The following MAPK8 variants were observed in gnomAD, a reference collection of about 807,000 sequenced individuals.
MAPK8 encodes the protein JUN N-terminal kinase.
A neutral mutation model predicts 52.9 loss-of-function variants in MAPK8; 13 were observed. That is an observed-to-expected ratio of 0.25 (90% CI 0.16 to 0.39). The LOEUF (loss-of-function observed/expected upper bound fraction) is 0.39, where lower values mean the gene tolerates loss of function less well. MAPK8 is among the 10% of genes least tolerant of loss of function. MAPK8 has a pLI of 1.00. For missense variants in MAPK8, 300 were observed against 519.2 expected, an observed-to-expected ratio of 0.58 and a Z score of 4.10; for synonymous variants, 191 against 169.8, an observed-to-expected ratio of 1.12 and a Z score of -0.97.
intron 10 of MAPK8, 62 bp from the exon 11 acceptor site, chr10:48,431,131 C>G (rs993935853): frequency 2.0e-6 from 2 of 1,006,086 alleles, no homozygotes; most frequent in Non-Finnish European, 3.1e-6. Context: ...TTAAACCATA[C>G]ATGCGTTGTG....
rs531503529 is a variant in MAPK8 at position 48,353,631 on chromosome 10, G to GA, written c.-50+46819dup. The stretch of plus-strand genomic sequence containing the variant: ...CTACAACCATAAAACTTAAAACATG[G>GA]AAAAAAAAATCTCTGGGACATTTGT... On this transcript the variant is annotated intron_variant, in intron 1 of 11. Coordinates refer to ENST00000374189, the MANE Select transcript of MAPK8 (RefSeq NM_001323329.2). Among the ~76,000 whole-genome samples the GA allele has an allele frequency of 1.3e-4, 19 of 151,188 alleles. No individual in the cohort carries two copies. In the South Asian group the frequency reaches 1.5e-3, roughly 12 times the overall value.
At chr10:48,313,310 G>A (rs1471867187) in intron 1 of MAPK8, among the ~76,000 whole-genome samples, 2 of 152,094 alleles carry the variant, frequency 1.3e-5, no homozygotes, top group Non-Finnish European at 2.9e-5. Context: ...GCGTACGCCT[G>A]TAATCCCAGC....
At chr10:48,342,608 T>G (rs964656964) in intron 1 of MAPK8, among the ~76,000 whole-genome samples, 1 of 152,216 alleles carries the variant, frequency 6.6e-6, no homozygotes, top group Non-Finnish European at 1.5e-5. Flanking sequence ...GATGGTAGCT[T>G]GAAATGTAGT....
At chr10:48,310,010 A>G (rs970294654) in intron 1 of MAPK8, among the ~76,000 whole-genome samples, 2 of 152,158 alleles carry the variant, frequency 1.3e-5, no homozygotes, top group Admixed American at 1.3e-4. Flanking sequence ...TCTTACTCTT[A>G]ATGCAGGTTA....
intron 1 of MAPK8, among the ~76,000 whole-genome samples, chr10:48,351,724 C>CAAAT (rs1441217169): frequency 6.6e-6 from 1 of 152,072 alleles, no homozygotes; most frequent in East Asian, 1.9e-4. Context: ...AAAGAAGACA[C>CAAAT]AAATCATCAG....
chr10:48,351,138 A>G (rs1846281983), intron 1 of MAPK8, among the ~76,000 whole-genome samples: 1 of 152,142 alleles, frequency 6.6e-6, no homozygotes, highest in South Asian at 2.1e-4. Context: ...AAATGGAAAA[A>G]CATTCCATGC....
intron 1 of MAPK8, among the ~76,000 whole-genome samples, chr10:48,311,220 T>G (rs1352247873): frequency 2.0e-5 from 3 of 152,206 alleles, no homozygotes; most frequent in African/African-American, 7.2e-5. Flanking sequence ...TATATTTAAC[T>G]TTGAACAAAC....
At chr10:48,415,224 C>T (rs186691675) in intron 5 of MAPK8, among the ~76,000 whole-genome samples, 113 of 152,192 alleles carry the variant, frequency 7.4e-4, no homozygotes, top group African/African-American at 2.4e-3. Flanking sequence ...GTAGAGCAGA[C>T]GAGTGAAACT....
At chr10:48,351,203 A>G (rs886507980) in intron 1 of MAPK8, among the ~76,000 whole-genome samples, 3 of 152,092 alleles carry the variant, frequency 2.0e-5, no homozygotes, top group Admixed American at 1.3e-4. Flanking sequence ...TAAGTAATTT[A>G]TAGATTCAAT....
intron 1 of MAPK8, chr10:48,307,043 TGCCCGCCA>T (rs991010671): frequency 5.7e-4 from 87 of 151,514 alleles, no homozygotes; most frequent in Middle Eastern, 3.4e-3. Flanking sequence ...TGCGCTCCGC[TGCCCGCCA>T]GCCCGCCTGC....
chr10:48,405,641 G>A (rs770894475), intron 3 of MAPK8, among the ~76,000 whole-genome samples: 3 of 152,158 alleles, frequency 2.0e-5, no homozygotes, highest in Non-Finnish European at 4.4e-5. Context: ...TCATACTTTT[G>A]TGATTGTTCT....
At chr10:48,430,947 C>T in intron 10 of MAPK8, 1 of 508,134 alleles carries the variant, frequency 2.0e-6, no homozygotes. Context: ...ACTATCAAAC[C>T]AACTTCAGAA....
At chr10:48,355,149 A>T (rs1365625478) in intron 1 of MAPK8, among the ~76,000 whole-genome samples, 2 of 152,252 alleles carry the variant, frequency 1.3e-5, no homozygotes, top group Non-Finnish European at 2.9e-5. Flanking sequence ...AGACTATTCA[A>T]AGAGATTTTT....
At chr10:48,352,401 C>T (rs772566031) in intron 1 of MAPK8, among the ~76,000 whole-genome samples, 143 of 151,724 alleles carry the variant, frequency 9.4e-4, no homozygotes, top group Admixed American at 1.8e-3. Context: ...TATAATCCAA[C>T]GGTATATAAA....
intron 1 of MAPK8, among the ~76,000 whole-genome samples, chr10:48,316,491 T>C (rs1842516510): frequency 6.6e-6 from 1 of 152,238 alleles, no homozygotes; most frequent in East Asian, 1.9e-4. Context: ...CTGCTTTCTA[T>C]GTGCTTAGCA....
chr10:48,330,369 A>T (rs2132243405), intron 1 of MAPK8, among the ~76,000 whole-genome samples: 1 of 152,310 alleles, frequency 6.6e-6, no homozygotes, highest in East Asian at 1.9e-4. Context: ...TTCATATAAT[A>T]CTAGAAGTGT....
chr10:48,342,283 T>C (rs1295130804), intron 1 of MAPK8, among the ~76,000 whole-genome samples: 1 of 152,090 alleles, frequency 6.6e-6, no homozygotes, highest in African/African-American at 2.4e-5. Flanking sequence ...TTAAAATATT[T>C]TGTAGAGACA....
chr10:48,342,162 G>C lies in MAPK8; in HGVS notation c.-50+35341G>C, dbSNP rs142690165. ...TCTGTTGCTTAGGCTGCAGTGCAGTGGCGCTGTCACGGCTGATCACAGCCT... is the reference window on the plus strand; with the variant it reads ...TCTGTTGCTTAGGCTGCAGTGCAGTCGCGCTGTCACGGCTGATCACAGCCT... On this transcript the variant is annotated intron_variant, in intron 1 of 11. Coordinates refer to ENST00000374189, the MANE Select transcript of MAPK8 (RefSeq NM_001323329.2). Among the ~76,000 whole-genome samples the C allele has an allele frequency of 7.2e-5, 11 of 152,312 alleles. No homozygotes were observed. The East Asian group carries it at 2.1e-3, about 29-fold the overall frequency.
intron 1 of MAPK8, among the ~76,000 whole-genome samples, chr10:48,377,412 C>T (rs1045635741): frequency 6.6e-6 from 1 of 152,068 alleles, no homozygotes; most frequent in Admixed American, 6.6e-5. Context: ...ATCACTATAT[C>T]CAGATATCCA....
Sources: allele counts gnomAD v4.1 joint callset (sites outside exome capture counted in the v4.1 genomes callset), GRCh38; gene constraint gnomAD v4.1.1; transcripts MANE v1.5; gene names NCBI Gene and HGNC (gene_info 2026-07-23, HGNC 2026-07-21).